SCN10A: variants seen among roughly 807,000 people sequenced by gnomAD.
The protein encoded by SCN10A is sodium channel protein type 10 subunit alpha.
A neutral mutation model predicts 170.7 loss-of-function variants in SCN10A; 162 were observed. The ratio of observed to expected loss-of-function variants is 0.95; its 90% CI spans 0.84 to 1.08. The LOEUF is 1.08. SCN10A is among the 50% of genes least tolerant of loss of function. The pLI is 0.00. For synonymous variants in SCN10A, 985 were observed against 904.6 expected, an observed-to-expected ratio of 1.09 and a Z score of -1.59; for missense variants, 2,527 against 2,436.9, an observed-to-expected ratio of 1.04 and a Z score of -0.78.
intron 26 of SCN10A, among the ~76,000 whole-genome samples, chr3:38,705,364 A>T (rs866206441): frequency 1.9e-4 from 29 of 152,176 alleles, no homozygotes; most frequent in African/African-American, 6.8e-4. Flanking sequence ...AATCTCAGGA[A>T]CAGAATTGGT....
chr3:38,751,921 T>A (rs528335161), intron 12 of SCN10A, among the ~76,000 whole-genome samples: 1 of 152,294 alleles, frequency 6.6e-6, no homozygotes, highest in Non-Finnish European at 1.5e-5. Context: ...GGCCTATCAC[T>A]GAGGCAGTGA....
In SCN10A at chr3:38,697,341, T is replaced by C. The variant is rs755435149; in HGVS notation, c.*8A>G. On this transcript the variant is annotated 3_prime_UTR_variant, in exon 28 of 28. Transcript: ENST00000449082. ...ATAACTGAACATATCCAGGCTGGAG[T>C]GTTCTCACTAGGGCCCAGGGGCAAT... is the stretch of plus-strand genomic sequence containing the variant. 9.3e-6 allele frequency: 15 copies of C among 1,611,284 alleles called. No homozygotes were observed. The highest frequency in any genetic ancestry group is 1.3e-5 in the Non-Finnish European group (15 of 1,177,952).
At chr3:38,746,061 G>GTATA (rs2063683052) in intron 13 of SCN10A, among the ~76,000 whole-genome samples, 4 of 29,730 alleles carry the variant, frequency 1.3e-4, no homozygotes, top group Non-Finnish European at 3.4e-4. Flanking sequence ...GTGTGTGTAT[G>GTATA]TGTATATATA....
At chr3:38,789,711 G>A (rs1177978527) in intron 3 of SCN10A, among the ~76,000 whole-genome samples, 1 of 152,048 alleles carries the variant, frequency 6.6e-6, no homozygotes, top group East Asian at 1.9e-4. Context: ...GGAGAACTCT[G>A]AATAGCTAGA....
At chr3:38,731,999 T>C (rs2063517659) in intron 15 of SCN10A, among the ~76,000 whole-genome samples, 1 of 152,326 alleles carries the variant, frequency 6.6e-6, no homozygotes, top group East Asian at 1.9e-4. Context: ...TCCAAAGTCA[T>C]AGTATTGGCT....
chr3:38,771,277 A>C lies in SCN10A; in HGVS notation c.599+2T>G. Reference sequence around the variant, plus strand: ...TGCAGATCTGCATAGAGATATACTCACGCCAGGGTAATGACGCTAAAATCC... The same window carrying C: ...TGCAGATCTGCATAGAGATATACTCCCGCCAGGGTAATGACGCTAAAATCC... On this transcript the variant is annotated splice_donor_variant, in intron 5 of 27. Coordinates refer to ENST00000449082, the MANE Select transcript of SCN10A (RefSeq NM_006514.4). LOFTEE classifies it high-confidence loss of function. 2 of 1,613,860 alleles carry C rather than the reference A, an allele frequency of 1.2e-6. No individual in the cohort carries two copies. Among genetic ancestry groups the C allele is most frequent in the Non-Finnish European group, 1.7e-6 (2 of 1,179,840 alleles).
intron 4 of SCN10A, among the ~76,000 whole-genome samples, chr3:38,782,766 A>G (rs1212040237): frequency 2.0e-5 from 3 of 152,074 alleles, no homozygotes; most frequent in Non-Finnish European, 4.4e-5. Flanking sequence ...ATTTTTTGCA[A>G]TGGTCATTTA....
chr3:38,770,300 G>C (rs1433419453), intron 5 of SCN10A, among the ~76,000 whole-genome samples: 1 of 152,200 alleles, frequency 6.6e-6, no homozygotes, highest in East Asian at 1.9e-4. Flanking sequence ...GTGATGAGCA[G>C]GGCCATAAAG....
intron 15 of SCN10A, among the ~76,000 whole-genome samples, chr3:38,731,384 T>C (rs766723996): frequency 7.2e-5 from 11 of 152,174 alleles, no homozygotes; most frequent in East Asian, 1.9e-4. Context: ...TAATATGTAA[T>C]GTGTAATATA....
intron 6 of SCN10A, 140 bp downstream of exon 6, chr3:38,763,365 C>T (rs1559451676): frequency 1.4e-6 from 1 of 710,288 alleles, no homozygotes; most frequent in African/African-American, 1.8e-5. Flanking sequence ...TTTATGTTTC[C>T]TATACTCCAG....
chr3:38,697,268 G>A lies in SCN10A; in HGVS notation c.*81C>T. 1.3e-6 allele frequency: 2 copies of A among 1,555,524 alleles called. No homozygotes were observed. The highest frequency in any genetic ancestry group is 1.7e-6 in the Non-Finnish European group (2 of 1,150,866). On this transcript the variant is annotated 3_prime_UTR_variant, in exon 28 of 28. Coordinates refer to ENST00000449082, the MANE Select transcript of SCN10A (RefSeq NM_006514.4). Reference sequence around the variant, plus strand: ...CATGCATTGGTGAGGCTGTAGCTGGGTGTGATCTGCAATGGGAAAGAGTTA... The same window carrying A: ...CATGCATTGGTGAGGCTGTAGCTGGATGTGATCTGCAATGGGAAAGAGTTA...
intron 6 of SCN10A, among the ~76,000 whole-genome samples, chr3:38,763,070 GT>G (rs1416156955): frequency 6.6e-6 from 1 of 152,098 alleles, no homozygotes; most frequent in African/African-American, 2.4e-5. Context: ...TTTCCTCTGG[GT>G]GTCTAAAGAC....
intron 14 of SCN10A, among the ~76,000 whole-genome samples, chr3:38,741,296 ACACACAC>A (rs1201191094): frequency 2.3e-4 from 28 of 124,376 alleles, no homozygotes; most frequent in African/African-American, 8.4e-4. Context: ...TTGAACACAC[ACACACAC>A]ACACACACAC....
chr3:38,707,531 C>T, intron 25 of SCN10A, 148 bp from the exon 26 acceptor site: 3 of 776,266 alleles, frequency 3.9e-6, no homozygotes, highest in Non-Finnish European at 6.2e-6. Flanking sequence ...AGTGTCTTGC[C>T]ACATCCAGTG....
At chr3:38,770,494 T>C (rs1484872904) in intron 5 of SCN10A, among the ~76,000 whole-genome samples, 1 of 152,030 alleles carries the variant, frequency 6.6e-6, no homozygotes. Flanking sequence ...GAATTTTGGC[T>C]GCCTCTGCTG....
At chr3:38,809,519 T>G (rs773637605) in intron 1 of SCN10A, among the ~76,000 whole-genome samples, 3 of 152,226 alleles carry the variant, frequency 2.0e-5, no homozygotes, top group Non-Finnish European at 4.4e-5. Context: ...TAGTTGCCAA[T>G]AGCCTACTGT....
At chr3:38,753,961 A>T (rs529780064) in intron 11 of SCN10A, among the ~76,000 whole-genome samples, 1 of 152,234 alleles carries the variant, frequency 6.6e-6, no homozygotes, top group Non-Finnish European at 1.5e-5. Flanking sequence ...TCTATTGGTT[A>T]TAAAATGGCT....
chr3:38,701,875 C>T lies in SCN10A; in HGVS notation c.4621G>A (p.Val1541Met). 1 of 1,613,450 alleles carries T rather than the reference C, an allele frequency of 6.2e-7. No homozygotes were observed. Among genetic ancestry groups the T allele is most frequent in the Non-Finnish European group, 8.5e-7 (1 of 1,179,710 alleles). The change falls in exon 27 of 28, where the codon GTG (valine) becomes ATG (methionine). Residue 1541 changes from valine to methionine, a missense_variant. Coordinates refer to ENST00000449082, the MANE Select transcript of SCN10A (RefSeq NM_006514.4). ...RQYYFTNGWN[V>M]FDFIVVVLSI... ...AGAACCACCACAATGAAGTCAAACA[C>T]ATTCCAGCCATTTGTGAAGTAGTAC...
chr3:38,754,017 G>A (rs1430087717), intron 11 of SCN10A, among the ~76,000 whole-genome samples: 11 of 152,154 alleles, frequency 7.2e-5, no homozygotes, highest in Non-Finnish European at 1.5e-4. Context: ...GAATGTACCT[G>A]GGAAAAGAGG....
Sources: gnomAD v4.1 joint callset for allele counts (sites outside exome capture counted in the v4.1 genomes callset) on GRCh38, gnomAD v4.1.1 for gene constraint, MANE v1.5 for transcripts, NCBI Gene and HGNC (gene_info 2026-07-23, HGNC 2026-07-21) for gene names.